Variants in TMEM87B observed in about 807,000 individuals in gnomAD.
TMEM87B encodes the protein transmembrane protein 87B.
TMEM87B carries 83 observed loss-of-function variants against 80.3 expected under a neutral mutation model. The ratio of observed to expected loss-of-function variants is 1.03; its 90% CI spans 0.87 to 1.24. TMEM87B has a LOEUF of 1.24. TMEM87B is among the 50% of genes most tolerant of loss of function. TMEM87B has a pLI of 0.00. For synonymous variants in TMEM87B, 219 were observed against 230.5 expected, an observed-to-expected ratio of 0.95 and a Z score of 0.45; for missense variants, 625 against 674.4, an observed-to-expected ratio of 0.93 and a Z score of 0.81.
At chr2:112,100,736 T>C (rs996159761) in intron 15 of TMEM87B, 41 bp downstream of exon 15, 1 of 1,295,722 alleles carries the variant, frequency 7.7e-7, no homozygotes, top group Non-Finnish European at 1.1e-6. Flanking sequence ...ATTGTACATA[T>C]TGCAACAGAA....
intron 16 of TMEM87B, among the ~76,000 whole-genome samples, chr2:112,107,418 C>T (rs1312800778): frequency 6.7e-6 from 1 of 150,066 alleles, no homozygotes; most frequent in Admixed American, 6.6e-5. Flanking sequence ...GTTATAAACT[C>T]ATTATATAAG....
At position 112,091,764 on chromosome 2, in the gene TMEM87B, A is replaced by C. The variant is rs766853483; in HGVS notation, c.1085A>C (p.Asp362Ala). ...GATGACATTATTTTAGCAGTTATTGACTCCATTTTTGTGTGGTTCATATCC... is the reference window on the plus strand; with the variant it reads ...GATGACATTATTTTAGCAGTTATTGCCTCCATTTTTGTGTGGTTCATATCC... The part of the protein sequence containing the change: ...VLDDIILAVI[D>A]SIFVWFIFIS... The change falls in exon 11 of 19, where the codon GAC (aspartate) becomes GCC (alanine). Residue 362 changes from aspartate to alanine, a missense_variant. Transcript: ENST00000283206. 6.2e-7 allele frequency: 1 copy of C among 1,612,574 alleles called. No homozygotes were observed. Among genetic ancestry groups the C allele is most frequent in the Non-Finnish European group, 8.5e-7 (1 of 1,179,164 alleles).
chr2:112,096,937 A>G (rs552524119), intron 11 of TMEM87B, 107 bp from the exon 12 acceptor site: 162 of 727,588 alleles, frequency 2.2e-4, no homozygotes, highest in East Asian at 2.0e-3. Flanking sequence ...TTCAAATTTT[A>G]GGAACTGTAT....
chr2:112,077,796 T>A (rs1220367734), intron 6 of TMEM87B, among the ~76,000 whole-genome samples: 1 of 152,244 alleles, frequency 6.6e-6, no homozygotes, highest in Non-Finnish European at 1.5e-5. Flanking sequence ...CCTCTGTGCC[T>A]TGTTAAGCTG....
chr2:112,081,295 CA>C (rs1678989872), intron 7 of TMEM87B, 39 bp from the exon 8 acceptor site: 2 of 1,550,498 alleles, frequency 1.3e-6, no homozygotes, highest in Non-Finnish European at 8.7e-7. Context: ...TTCAAATGAC[CA>C]AAAGGCTTAA....
intron 3 of TMEM87B, among the ~76,000 whole-genome samples, chr2:112,065,391 A>G (rs1227479909): frequency 1.3e-5 from 2 of 152,118 alleles, no homozygotes; most frequent in African/African-American, 4.8e-5. Flanking sequence ...CACACCTGTA[A>G]TTCCTGCGCT....
intron 11 of TMEM87B, among the ~76,000 whole-genome samples, chr2:112,096,407 G>C (rs1366940835): frequency 3.3e-5 from 5 of 152,182 alleles, no homozygotes; most frequent in Admixed American, 1.3e-4. Context: ...CTCTATAAAA[G>C]AAAAACCCTT....
chr2:112,085,884 A>G (rs1679130193), intron 8 of TMEM87B, 121 bp from the exon 9 acceptor site: 1 of 726,538 alleles, frequency 1.4e-6, no homozygotes, highest in Admixed American at 3.0e-5. Context: ...CTTTTAAATC[A>G]AATGTGGCTG....
chr2:112,071,979 T>G (rs1324969107), intron 4 of TMEM87B, among the ~76,000 whole-genome samples: 1 of 152,138 alleles, frequency 6.6e-6, no homozygotes, highest in Admixed American at 6.5e-5. Flanking sequence ...TTTATTAGAG[T>G]TTTTAACATG....
rs1573705456 is a variant in TMEM87B at position 112,084,319 on chromosome 2, C to G, written c.839-1686C>G. Among the ~76,000 whole-genome samples the G allele has an allele frequency of 4.6e-5, 7 of 152,332 alleles. No homozygotes were observed. The South Asian group carries it at 1.4e-3, about 32-fold the overall frequency. On this transcript the variant is annotated intron_variant, in intron 8 of 18. Coordinates refer to ENST00000283206, the MANE Select transcript of TMEM87B (RefSeq NM_032824.3). ...TTCGGAGAGCTCATCCATTGTTTTC[C>G]TCCTAAAGCTTTCTCTCCTGTGGAA...
rs768627894 is a variant in TMEM87B at position 112,091,810 on chromosome 2, A to G, written c.1104+27A>G. On this transcript the variant is annotated intron_variant, in intron 11 of 18. Coordinates refer to ENST00000283206, the MANE Select transcript of TMEM87B (RefSeq NM_032824.3). ...TATCCTTTACTGTGTCCTTCAAAAT[A>G]GTTTGTTGTATCATGAAAATCAGAT... 3.4e-6 allele frequency: 5 copies of G among 1,492,520 alleles called. No individual in the cohort carries two copies. The South Asian group carries it at 3.6e-5, about 11-fold the overall frequency. 92.5% of individuals were successfully genotyped at this position (1,492,520 alleles called of 1,614,324 possible). A position where few individuals can be genotyped will look rare whatever the true frequency, so the allele number is the denominator to read the frequency against.
At chr2:112,069,481 C>G (rs1678560278) in intron 4 of TMEM87B, among the ~76,000 whole-genome samples, 2 of 152,164 alleles carry the variant, frequency 1.3e-5, no homozygotes, top group African/African-American at 4.8e-5. Flanking sequence ...CCATCCATGT[C>G]CCTGCAAAGG....
intron 11 of TMEM87B, among the ~76,000 whole-genome samples, chr2:112,095,892 A>G (rs1325920828): frequency 6.6e-6 from 1 of 152,192 alleles, no homozygotes; most frequent in Non-Finnish European, 1.5e-5. Flanking sequence ...GCTGGCTTGA[A>G]TTCTGCTTCA....
At chr2:112,094,409 C>T (rs190050997) in intron 11 of TMEM87B, among the ~76,000 whole-genome samples, 306 of 152,276 alleles carry the variant, frequency 2.0e-3, no homozygotes, top group African/African-American at 6.7e-3. Flanking sequence ...GATCTTCCTG[C>T]CTCAGCCTCC....
At position 112,107,809 on chromosome 2, in the gene TMEM87B, G is replaced by A; in HGVS notation, c.1546G>A (p.Glu516Lys). ...ENFDEDLKWV[E>K]ENIPSSFTDV... ...ACAGGATGAAGATTTGAAGTGGGTA[G>A]AAGAAAATATTCCCTCTTCATTCAC... Residue 516 changes from glutamate (E) to lysine (K), a missense_variant, in exon 17 of 19, where the codon GAA becomes AAA. By Grantham distance (56) the Glu-to-Lys change is moderately conservative. Coordinates refer to ENST00000283206, the MANE Select transcript of TMEM87B (RefSeq NM_032824.3). The A allele has an allele frequency of 6.3e-7, 1 of 1,581,628 alleles. No individual in the cohort carries two copies. Among genetic ancestry groups the A allele is most frequent in the Non-Finnish European group, 8.6e-7 (1 of 1,157,904 alleles).
chr2:112,078,117 T>C (rs1438703515), intron 6 of TMEM87B, among the ~76,000 whole-genome samples: 1 of 152,124 alleles, frequency 6.6e-6, no homozygotes, highest in Non-Finnish European at 1.5e-5. Flanking sequence ...AAGGCTTCCT[T>C]CTGGAGATGG....
intron 10 of TMEM87B, 152 bp from the exon 11 acceptor site, chr2:112,091,560 G>A: frequency 1.6e-6 from 1 of 618,726 alleles, no homozygotes; most frequent in African/African-American, 1.9e-5. Context: ...ATTTCCATGT[G>A]CTTAAACACA....
chr2:112,071,306 GC>G lies in TMEM87B; in HGVS notation c.451-3599del, dbSNP rs887318414. Among the ~76,000 whole-genome samples the G allele has an allele frequency of 5.9e-5, 4 of 67,246 alleles. No individual in the cohort carries two copies. In the East Asian group the frequency reaches 1.8e-3, roughly 30 times the overall value. The allele number at this position is 67,246 out of a possible 152,430, so 44.1% of individuals were successfully genotyped here. A position where few individuals can be genotyped will look rare whatever the true frequency, so the allele number is the denominator to read the frequency against. ...CAGGTATGCTAGTGATTCCCCCCCC[GC>G]CCCCCCGCCGCCGCCACCACTGCCC... is the stretch of plus-strand genomic sequence containing the variant. On this transcript the variant is annotated intron_variant, in intron 4 of 18. Transcript: ENST00000283206.
intron 11 of TMEM87B, among the ~76,000 whole-genome samples, chr2:112,096,123 A>G (rs1272741294): frequency 1.3e-5 from 2 of 152,108 alleles, no homozygotes; most frequent in Non-Finnish European, 2.9e-5. Flanking sequence ...TACCTATGAC[A>G]AGGCCGGGCA....
Sources: allele counts gnomAD v4.1 joint callset (sites outside exome capture counted in the v4.1 genomes callset), GRCh38; gene constraint gnomAD v4.1.1; transcripts MANE v1.5; gene names NCBI Gene and HGNC (gene_info 2026-07-23, HGNC 2026-07-21).